The following CNBD2 variants were observed in gnomAD, a reference collection of about 807,000 sequenced individuals.
CNBD2 encodes cyclic nucleotide binding domain containing 2.
CNBD2 carries 64 observed loss-of-function variants against 63.7 expected under a neutral mutation model. The observed-to-expected ratio is 1.00, with a 90% CI of 0.82 to 1.24. The LOEUF (loss-of-function observed/expected upper bound fraction) is 1.24. CNBD2 is among the 50% of genes most tolerant of loss of function. The pLI is 0.00. For synonymous variants in CNBD2, 229 were observed against 255.4 expected (o/e 0.90, Z 0.99); for missense variants, 691 against 713.5 (o/e 0.97, Z 0.36).
intron 8 of CNBD2, among the ~76,000 whole-genome samples, chr20:35,999,636 C>T (rs2056869976): frequency 6.6e-6 from 1 of 151,170 alleles, no homozygotes; most frequent in Admixed American, 6.6e-5. Context: ...TATTAAAAAC[C>T]TTACCATACA....
chr20:35,957,011 T>G (rs370596549), downstream of CNBD2, among the ~76,000 whole-genome samples: 5 of 152,326 alleles, frequency 3.3e-5, no homozygotes, highest in African/African-American at 9.6e-5. Context: ...TGTTTAAAAT[T>G]TAGTTATTAT....
upstream of CNBD2, chr20:35,968,569 A>G (rs2147188825): frequency 1.9e-6 from 1 of 514,848 alleles, no homozygotes; most frequent in East Asian, 3.4e-5. Context: ...ACCTTAGGAG[A>G]TTCTGAGAAT....
chr20:35,972,408 T>C (rs1219820613), intron 1 of CNBD2, among the ~76,000 whole-genome samples: 1 of 152,202 alleles, frequency 6.6e-6, no homozygotes, highest in Non-Finnish European at 1.5e-5. Flanking sequence ...TAGCTGCCAA[T>C]TTCTATGGCA....
intron 4 of CNBD2, among the ~76,000 whole-genome samples, chr20:35,982,334 A>T (rs1358619254): frequency 1.3e-5 from 2 of 152,226 alleles, no homozygotes; most frequent in East Asian, 3.9e-4. Context: ...AACTTAGCTG[A>T]GCTTTGGAGG....
chr20:35,977,576 G>T (rs2056538564), intron 3 of CNBD2, among the ~76,000 whole-genome samples: 2 of 152,202 alleles, frequency 1.3e-5, no homozygotes, highest in African/African-American at 2.4e-5. Flanking sequence ...ATTTTGGGAG[G>T]CTGAGGTGCG....
intron 10 of CNBD2, among the ~76,000 whole-genome samples, chr20:36,022,119 C>T (rs945460266): frequency 1.3e-5 from 2 of 151,726 alleles, no homozygotes; most frequent in Non-Finnish European, 2.9e-5. Flanking sequence ...AATGATTCCC[C>T]TGCCTCAGCC....
intron 4 of CNBD2, among the ~76,000 whole-genome samples, chr20:35,983,063 A>G (rs2056617877): frequency 6.6e-6 from 1 of 151,684 alleles, no homozygotes; most frequent in African/African-American, 2.4e-5. Context: ...AATAGCTAAC[A>G]TGGGACTGGG....
upstream of CNBD2, among the ~76,000 whole-genome samples, chr20:35,963,967 ACAAG>A (rs2056326537): frequency 6.6e-6 from 1 of 152,314 alleles, no homozygotes; most frequent in African/African-American, 2.4e-5. Context: ...TCAACTAAAG[ACAAG>A]CAAGTTAATT....
chr20:36,005,636 C>T (rs2794367), intron 8 of CNBD2, among the ~76,000 whole-genome samples: 5,399 of 152,154 alleles, frequency 0.035, 334 homozygotes, highest in African/African-American at 0.12. Flanking sequence ...GCTTGTGGAA[C>T]TTGGATTTAT....
At chr20:35,994,901 A>G in intron 7 of CNBD2, 137 bp from the exon 8 acceptor site, 1 of 592,928 alleles carries the variant, frequency 1.7e-6, no homozygotes, top group Non-Finnish European at 3.0e-6. Flanking sequence ...AAAAAAGAAA[A>G]AAGAACCTGA....
chr20:35,980,696 G>T, intron 4 of CNBD2, 74 bp downstream of exon 4: 1 of 1,445,196 alleles, frequency 6.9e-7, no homozygotes, highest in Non-Finnish European at 9.5e-7. Flanking sequence ...GAGAAGGTGT[G>T]GCAGGTCCTG....
intron 7 of CNBD2, among the ~76,000 whole-genome samples, chr20:35,991,889 T>A (rs1415045409): frequency 6.6e-6 from 1 of 152,086 alleles, no homozygotes; most frequent in Admixed American, 6.6e-5. Flanking sequence ...TCTTTTATTT[T>A]TTTTTTTTGA....
intron 1 of CNBD2, among the ~76,000 whole-genome samples, chr20:35,971,540 C>T (rs1183838449): frequency 6.6e-6 from 1 of 152,158 alleles, no homozygotes; most frequent in Non-Finnish European, 1.5e-5. Flanking sequence ...CTCAGCCTCC[C>T]GAGTAGCTGG....
intron 7 of CNBD2, among the ~76,000 whole-genome samples, chr20:35,990,521 T>G (rs2056730940): frequency 6.6e-6 from 1 of 151,814 alleles, no homozygotes; most frequent in South Asian, 2.1e-4. Flanking sequence ...CCCAGCTACT[T>G]GGAGGCTGAG....
chr20:35,969,853 A>G (rs1325409132), intron 1 of CNBD2, among the ~76,000 whole-genome samples: 1 of 152,264 alleles, frequency 6.6e-6, no homozygotes, highest in South Asian at 2.1e-4. Context: ...TGAAGTACAC[A>G]CATCCTCAAC....
rs773637146 is a variant in CNBD2 at position 36,022,526 on chromosome 20, G to A, written c.1270-1076G>A. Among the ~76,000 whole-genome samples, 7 of 151,742 alleles carry A rather than the reference G, an allele frequency of 4.6e-5. 1 individual carries two copies. The highest frequency in any genetic ancestry group is 3.2e-3 in the Middle Eastern group (1 of 316). ...ATTTTTGTATTATTAGTAGAGGTGG[G>A]GTTTCACCATGTTGGCCAGGCTAGT... On this transcript the variant is annotated intron_variant, in intron 10 of 11. Transcript: ENST00000373973.
In CNBD2 at chr20:35,972,682, G is replaced by A. The variant is rs746716360; in HGVS notation, c.105G>A (p.Met35Ile). 1.9e-6 allele frequency: 3 copies of A among 1,613,964 alleles called. No individual in the cohort carries two copies. Among genetic ancestry groups the A allele is most frequent in the African/African-American group, 2.7e-5 (2 of 74,894 alleles). Residue 35 changes from methionine (M) to isoleucine (I), a missense_variant, in exon 2 of 12, where the codon ATG becomes ATA. Transcript: ENST00000373973. ...DIIIMIRVCK[M>I]FRQGLRGFRE... ...TCATAATGATCCGAGTGTGTAAAATGTTCCGCCAAGGCCTCAGGGGATTCC... is the reference window on the plus strand; with the variant it reads ...TCATAATGATCCGAGTGTGTAAAATATTCCGCCAAGGCCTCAGGGGATTCC...
chr20:36,012,394 C>G (rs1601089899), intron 10 of CNBD2, among the ~76,000 whole-genome samples: 1 of 151,144 alleles, frequency 6.6e-6, no homozygotes, highest in East Asian at 1.9e-4. Flanking sequence ...ACAAGAATTG[C>G]TTGAACTCAG....
At chr20:35,980,906 G>C (rs550267915) in intron 4 of CNBD2, among the ~76,000 whole-genome samples, 77 of 152,328 alleles carry the variant, frequency 5.1e-4, no homozygotes, top group African/African-American at 1.8e-3. Context: ...TGAGGAAACT[G>C]AGGCTCTGTG....
Sources: allele counts gnomAD v4.1 joint callset (sites outside exome capture counted in the v4.1 genomes callset), GRCh38; gene constraint gnomAD v4.1.1; transcripts MANE v1.5; gene names NCBI Gene and HGNC (gene_info 2026-07-23, HGNC 2026-07-21).